The following RNF149 variants were observed in gnomAD, a reference collection of about 807,000 sequenced individuals.
RNF149 encodes the protein E3 ubiquitin-protein ligase RNF149.
In RNF149, 21 loss-of-function variants were observed where a neutral mutation model predicts 39.0. That is an observed-to-expected ratio of 0.54 (90% CI 0.38 to 0.77). The LOEUF is 0.77. Among genes scored for constraint, RNF149 ranks in the 30% least tolerant of loss-of-function variants. RNF149 has a pLI of 0.00. For missense variants in RNF149, 493 were observed against 534.9 expected (o/e 0.92, Z 0.77); for synonymous variants, 209 against 213.6 (o/e 0.98, Z 0.19).
intron 2 of RNF149, chr2:101,294,414 T>C: frequency 4.2e-6 from 1 of 239,958 alleles, no homozygotes; most frequent in East Asian, 1.2e-4. Context: ...GTCAAGAAAG[T>C]AAGAAGCTGA....
intron 1 of RNF149, among the ~76,000 whole-genome samples, chr2:101,297,410 A>G (rs1368573505): frequency 1.3e-5 from 2 of 152,098 alleles, no homozygotes; most frequent in African/African-American, 2.4e-5. Flanking sequence ...AGGATGGAGT[A>G]CAGTGGTGGG....
At chr2:101,305,951 T>A (rs1037674943) in intron 1 of RNF149, among the ~76,000 whole-genome samples, 3 of 152,202 alleles carry the variant, frequency 2.0e-5, no homozygotes, top group Admixed American at 2.0e-4. Context: ...ACTTCACACA[T>A]CTTTAAATTG....
chr2:101,290,265 G>A (rs1682957238), intron 3 of RNF149, among the ~76,000 whole-genome samples: 1 of 152,178 alleles, frequency 6.6e-6, no homozygotes, highest in Non-Finnish European at 1.5e-5. Flanking sequence ...ATCATACACA[G>A]GGCAAGAATG....
chr2:101,308,091 G>T (rs528164520), intron 1 of RNF149, 38 bp downstream of exon 1: 3 of 1,594,978 alleles, frequency 1.9e-6, no homozygotes, highest in South Asian at 2.2e-5. Flanking sequence ...CGGCTGCCGC[G>T]AAGTCCCCCT....
rs143872522 is a variant in RNF149, at chr2:101,294,965, C to T, written c.677G>A (p.Arg226His). The T allele has an allele frequency of 2.3e-5, 37 of 1,613,654 alleles. No individual in the cohort carries two copies. The East Asian group carries it at 4.9e-4, about 21-fold the overall frequency. The part of the protein sequence containing the change: ...LAWLIFYYIQ[R>H]FLYTGSQIGS... ...AATCTGAGAGCCAGTATATAGGAAA[C>T]GCTGTATATAGTAAAATATTAGCCA... Residue 226 changes from arginine (R) to histidine (H), a missense_variant, in exon 2 of 7, where the codon CGT becomes CAT. By Grantham distance (29) the Arg-to-His change is conservative. Coordinates refer to ENST00000295317, the MANE Select transcript of RNF149 (RefSeq NM_173647.4).
downstream of RNF149, among the ~76,000 whole-genome samples, chr2:101,274,771 C>T (rs564525330): frequency 5.3e-5 from 8 of 152,288 alleles, no homozygotes; most frequent in Admixed American, 1.3e-4. Flanking sequence ...AAAACATTTT[C>T]CCCTAGCATT....
At chr2:101,285,384 C>T (rs781015962) in intron 5 of RNF149, among the ~76,000 whole-genome samples, 5 of 152,090 alleles carry the variant, frequency 3.3e-5, no homozygotes, top group African/African-American at 4.8e-5. Flanking sequence ...AAGATGATTC[C>T]CCATTAGCTA....
chr2:101,285,166 G>C (rs930695405), intron 5 of RNF149, among the ~76,000 whole-genome samples: 1 of 152,032 alleles, frequency 6.6e-6, no homozygotes, highest in Non-Finnish European at 1.5e-5. Flanking sequence ...CCTAAGTGCC[G>C]GGATTACAGG....
At chr2:101,287,735 T>C (rs1450356447) in intron 4 of RNF149, among the ~76,000 whole-genome samples, 1 of 152,180 alleles carries the variant, frequency 6.6e-6, no homozygotes, top group Admixed American at 6.5e-5. Context: ...CCAGCTACCT[T>C]TAGTCAGGAA....
rs1230200239 is a variant in RNF149 at position 101,281,116 on chromosome 2, A to C, written c.1159+743T>G. ...ATTTTACCTATCAGAGTGACAGAAAACAATTAGACAAGGCATAAGTATATA... is the reference window on the plus strand; with the variant it reads ...ATTTTACCTATCAGAGTGACAGAAACCAATTAGACAAGGCATAAGTATATA... On this transcript the variant is annotated intron_variant, in intron 6 of 6. Coordinates refer to ENST00000295317, the MANE Select transcript of RNF149 (RefSeq NM_173647.4). 2.0e-5 allele frequency among the ~76,000 whole-genome samples: 3 copies of C among 152,332 alleles called. No individual in the cohort carries two copies. In the East Asian group the frequency reaches 5.8e-4, roughly 29 times the overall value.
At chr2:101,307,693 C>T (rs969495054) in intron 1 of RNF149, 7 of 330,774 alleles carry the variant, frequency 2.1e-5, no homozygotes, top group Non-Finnish European at 3.0e-5. Context: ...AACCAGAGTG[C>T]CAACGAGCCA....
intron 4 of RNF149, chr2:101,288,608 T>G (rs1682884964): frequency 5.6e-6 from 1 of 180,048 alleles, no homozygotes; most frequent in Non-Finnish European, 1.2e-5. Flanking sequence ...CTATTTCCCT[T>G]AGGCTGTTTC....
intron 3 of RNF149, 106 bp downstream of exon 3, chr2:101,293,908 C>T (rs542965586): frequency 4.6e-6 from 3 of 654,894 alleles, no homozygotes; most frequent in East Asian, 2.8e-5. Flanking sequence ...CTAGAAGGCC[C>T]TTCTCAATGA....
chr2:101,295,443 C>G (rs1248380765), intron 1 of RNF149, among the ~76,000 whole-genome samples: 2 of 152,024 alleles, frequency 1.3e-5, no homozygotes, highest in African/African-American at 4.8e-5. Context: ...GGGCGGATCA[C>G]TAGGTGAGGA....
intron 2 of RNF149, 67 bp downstream of exon 2, chr2:101,294,864 G>T: frequency 7.3e-6 from 9 of 1,234,926 alleles, no homozygotes; most frequent in Non-Finnish European, 1.0e-5. Flanking sequence ...TAACTTCTAG[G>T]AATATATATG....
intron 6 of RNF149, 67 bp from the exon 7 acceptor site, chr2:101,277,348 A>T: frequency 6.5e-7 from 1 of 1,546,080 alleles, no homozygotes. Context: ...CAACTATGCA[A>T]ACACACTTAC....
chr2:101,284,248 T>C (rs1682706653), intron 5 of RNF149, among the ~76,000 whole-genome samples: 1 of 152,188 alleles, frequency 6.6e-6, no homozygotes, highest in South Asian at 2.1e-4. Flanking sequence ...CTTCCTGTGA[T>C]CACAGAGTGA....
intron 1 of RNF149, among the ~76,000 whole-genome samples, chr2:101,307,690 G>A (rs1025071914): frequency 2.0e-5 from 3 of 152,256 alleles, no homozygotes; most frequent in African/African-American, 7.2e-5. Flanking sequence ...AGAAACCAGA[G>A]TGCCAACGAG....
intron 2 of RNF149, chr2:101,294,328 ACTTTAAGAGGTGTTT>A: frequency 2.8e-6 from 1 of 357,846 alleles, no homozygotes; most frequent in Non-Finnish European, 5.1e-6. Context: ...GCCATATGTA[ACTTTAAGAGGTGTTT>A]CACCAAGAGT....
Sources: gnomAD v4.1 joint callset for allele counts (sites outside exome capture counted in the v4.1 genomes callset) on GRCh38, gnomAD v4.1.1 for gene constraint, MANE v1.5 for transcripts, NCBI Gene and HGNC (gene_info 2026-07-23, HGNC 2026-07-21) for gene names.